Variants in TMCC3 observed in about 807,000 individuals in gnomAD.
The protein encoded by TMCC3 is transmembrane and coiled-coil domain family 3, also known as transmembrane and coiled-coil domain protein 3.
In TMCC3, 28 loss-of-function variants were observed where a neutral mutation model predicts 40.2. That is an observed-to-expected ratio of 0.70 (90% CI 0.52 to 0.95). The LOEUF (loss-of-function observed/expected upper bound fraction) is 0.95, where lower values mean the gene tolerates loss of function less well. Among genes scored for constraint, TMCC3 ranks in the 40% least tolerant of loss-of-function variants. TMCC3 has a pLI of 0.00. For missense variants in TMCC3, 554 were observed against 615.2 expected, an observed-to-expected ratio of 0.90 and a Z score of 1.05; for synonymous variants, 255 against 248.5, an observed-to-expected ratio of 1.03 and a Z score of -0.25.
At chr12:94,579,249 G>A (rs1200193205) in intron 2 of TMCC3, among the ~76,000 whole-genome samples, 2 of 152,202 alleles carry the variant, frequency 1.3e-5, no homozygotes, top group African/African-American at 2.4e-5. Context: ...GCTCACGCCT[G>A]TAATCCTAAC....
At chr12:94,620,054 T>C (rs2068867389) in intron 1 of TMCC3, among the ~76,000 whole-genome samples, 1 of 151,630 alleles carries the variant, frequency 6.6e-6, no homozygotes, top group South Asian at 2.1e-4. Flanking sequence ...TCACAGCTAC[T>C]GGGGAGGCTG....
intron 1 of TMCC3, among the ~76,000 whole-genome samples, chr12:94,620,270 A>G (rs1411433898): frequency 6.6e-6 from 1 of 151,154 alleles, no homozygotes; most frequent in African/African-American, 2.4e-5. Flanking sequence ...AGTACTGTGG[A>G]AATTTTTTTT....
At chr12:94,615,176 A>G (rs1326133652) in intron 1 of TMCC3, among the ~76,000 whole-genome samples, 1 of 152,244 alleles carries the variant, frequency 6.6e-6, no homozygotes, top group Non-Finnish European at 1.5e-5. Context: ...TTTTGTGTCA[A>G]TATAGAGAAG....
At chr12:94,599,556 A>ACACCCCCC (rs2068739204) in intron 1 of TMCC3, among the ~76,000 whole-genome samples, 1 of 69,506 alleles carries the variant, frequency 1.4e-5, no homozygotes, top group Non-Finnish European at 3.2e-5. Context: ...TTTAAAAGAT[A>ACACCCCCC]CCCCCCCCCC....
At chr12:94,646,092 G>A (rs2069016531) in intron 1 of TMCC3, among the ~76,000 whole-genome samples, 1 of 152,180 alleles carries the variant, frequency 6.6e-6, no homozygotes, top group Admixed American at 6.5e-5. Flanking sequence ...CTATCCTAAT[G>A]CAAATGGTTC....
chr12:94,614,373 G>A (rs746138440), intron 1 of TMCC3, among the ~76,000 whole-genome samples: 2 of 152,126 alleles, frequency 1.3e-5, no homozygotes, highest in Non-Finnish European at 2.9e-5. Context: ...ATGCAGTCAG[G>A]AGAAAGCCCT....
intron 3 of TMCC3, among the ~76,000 whole-genome samples, chr12:94,578,146 C>CAAAAAAAAAAAAAAAAAAA (rs1183420863): frequency 5.7e-5 from 2 of 34,848 alleles, no homozygotes; most frequent in East Asian, 7.9e-4. Flanking sequence ...AGACTCACCT[C>CAAAAAAAAAAAAAAAAAAA]AAAAAAAAAA....
rs10545928 is a variant in TMCC3, at chr12:94,599,556, ACCC to A, written c.79-17021_79-17019del. On this transcript the variant is annotated intron_variant, in intron 1 of 3. Coordinates refer to ENST00000261226, the MANE Select transcript of TMCC3 (RefSeq NM_020698.4). ...ACAGGAAAGATAATTTTTAAAAGAT[ACCC>A]CCCCCCCCGCCCACACACACACACA... 5.5e-4 allele frequency among the ~76,000 whole-genome samples: 38 copies of A among 69,508 alleles called. 1 individual carries two copies. Among genetic ancestry groups the A allele is most frequent in the African/African-American group, 2.0e-3 (38 of 18,780 alleles). 45.6% of individuals were successfully genotyped at this position (69,508 alleles called of 152,430 possible).
intron 1 of TMCC3, chr12:94,598,678 T>C: frequency 1.0e-6 from 1 of 985,474 alleles, no homozygotes; most frequent in African/African-American, 1.7e-5. Flanking sequence ...CATTAAATGC[T>C]CTGCCGTCAA....
intron 1 of TMCC3, among the ~76,000 whole-genome samples, chr12:94,638,147 G>C (rs1309476187): frequency 6.6e-6 from 1 of 152,116 alleles, no homozygotes; most frequent in Non-Finnish European, 1.5e-5. Context: ...AAGACACTAC[G>C]CAAAATATAC....
intron 1 of TMCC3, among the ~76,000 whole-genome samples, chr12:94,607,545 T>C (rs2068790750): frequency 6.6e-6 from 1 of 152,230 alleles, no homozygotes. Context: ...GTTCTGCCCA[T>C]GGTTCCAGGC....
intron 1 of TMCC3, among the ~76,000 whole-genome samples, chr12:94,595,436 T>C (rs775894704): frequency 1.2e-4 from 19 of 152,188 alleles, no homozygotes; most frequent in Admixed American, 3.3e-4. Flanking sequence ...GCTCATGTCC[T>C]TTGAAAAGTT....
chr12:94,602,188 G>A (rs558551652), intron 1 of TMCC3, among the ~76,000 whole-genome samples: 1 of 152,312 alleles, frequency 6.6e-6, no homozygotes, highest in South Asian at 2.1e-4. Context: ...TTCCATTGCT[G>A]AGTCTACTAA....
At chr12:94,636,681 G>C (rs2068962556) in intron 1 of TMCC3, among the ~76,000 whole-genome samples, 2 of 152,228 alleles carry the variant, frequency 1.3e-5, no homozygotes, top group South Asian at 2.1e-4. Context: ...AGAGGATCTA[G>C]AAGTAAAAGA....
At chr12:94,582,965 CTTTTTTTTTTTT>C (rs753900771) in intron 1 of TMCC3, among the ~76,000 whole-genome samples, 11 of 59,944 alleles carry the variant, frequency 1.8e-4, no homozygotes, top group South Asian at 6.2e-4. Flanking sequence ...GAAGGAGAAT[CTTTTTTTTTTTT>C]TTTTTTTTTT....
At chr12:94,643,101 G>C (rs2068999884) in intron 1 of TMCC3, among the ~76,000 whole-genome samples, 1 of 152,024 alleles carries the variant, frequency 6.6e-6, no homozygotes. Context: ...CTGAGACAGG[G>C]GAATCACTTG....
At chr12:94,586,203 TA>T (rs1477133732) in intron 1 of TMCC3, among the ~76,000 whole-genome samples, 1 of 152,230 alleles carries the variant, frequency 6.6e-6, no homozygotes, top group African/African-American at 2.4e-5. Context: ...ATAAGGACTT[TA>T]AAACTTTAAT....
At chr12:94,592,506 T>G (rs2068682794) in intron 1 of TMCC3, among the ~76,000 whole-genome samples, 1 of 149,552 alleles carries the variant, frequency 6.7e-6, no homozygotes, top group Non-Finnish European at 1.5e-5. Flanking sequence ...GAGCCGGGTG[T>G]GGTGGCAGGT....
rs751785938 is a variant in TMCC3, at chr12:94,571,709, A to G, written c.1160T>C (p.Ile387Thr). ...QEALESCQTR[I>T]SKLELHQQEQ... ...TTGCTGGTGGAGCTCCAGCTTAGAA[A>G]TGCGAGTCTGGCAGGATTCCAAGGC... is the stretch of plus-strand genomic sequence containing the variant. Residue 387 changes from isoleucine (I) to threonine (T), a missense_variant, in exon 4 of 4, where the codon ATT becomes ACT. Transcript: ENST00000261226. The G allele has an allele frequency of 3.1e-6, 5 of 1,613,992 alleles. No individual in the cohort carries two copies. The Admixed American group carries it at 6.7e-5, about 22-fold the overall frequency.
Sources: gnomAD v4.1 joint callset for allele counts (sites outside exome capture counted in the v4.1 genomes callset) on GRCh38, gnomAD v4.1.1 for gene constraint, MANE v1.5 for transcripts, NCBI Gene and HGNC (gene_info 2026-07-23, HGNC 2026-07-21) for gene names.